The following NONO variants were observed in gnomAD, a reference collection of about 807,000 sequenced individuals.
NONO encodes the protein non-POU domain-containing octamer-binding protein.
In NONO, 6 loss-of-function variants were observed where a neutral mutation model predicts 40.2. The ratio of observed to expected loss-of-function variants is 0.15; its 90% CI spans 0.08 to 0.29. The LOEUF (loss-of-function observed/expected upper bound fraction) is 0.29. NONO is among the 10% of genes least tolerant of loss of function. The pLI, the probability that NONO is intolerant of heterozygous loss-of-function variation, is 1.00. For missense variants in NONO, 133 were observed against 397.8 expected, an observed-to-expected ratio of 0.33 and a Z score of 5.66; for synonymous variants, 89 against 123.3, an observed-to-expected ratio of 0.72 and a Z score of 1.85.
At chrX:71,296,145 C>CTTT (rs757644657) in intron 5 of NONO, among the ~76,000 whole-genome samples, 1 of 93,956 alleles carries the variant, frequency 1.1e-5, no homozygotes, top group East Asian at 3.2e-4. Context: ...TTTTTCTTTT[C>CTTT]TTTTTTTTTT....
rs1481121749 is a variant in NONO, at chrX:71,298,717, C to T, written c.1182C>T (p.Gly394=). The change falls in exon 11 of 12, where the codon GGC becomes GGT. Residue 394 remains glycine (G), a synonymous_variant. Transcript: ENST00000276079. ...MGQMAMGGAM[G]INNRGAMPPA... is the part of the protein sequence containing the mutation. The stretch of plus-strand genomic sequence containing the variant: ...ACTACTCTGCCTTAGGTGCTATGGG[C>T]ATAAACAACAGAGGTGCCATGCCCC... The T allele has an allele frequency of 4.1e-6, 5 of 1,207,244 alleles. No homozygotes were observed. In the Admixed American group the frequency reaches 1.1e-4, roughly 26 times the overall value.
chrX:71,294,180 G>T (rs371337585), intron 4 of NONO, 47 bp from the exon 5 acceptor site: 43 of 1,151,010 alleles, frequency 3.7e-5, no homozygotes, highest in Non-Finnish European at 5.0e-5. Context: ...GGCTGCTAAG[G>T]TGTTCTTTGT....
At chrX:71,290,155 T>G (rs905138259) in intron 2 of NONO, among the ~76,000 whole-genome samples, 4 of 110,396 alleles carry the variant, frequency 3.6e-5, no homozygotes, top group African/African-American at 1.3e-4. Context: ...CAAGTGATCC[T>G]CCCACCTCAG....
At chrX:71,291,012 G>A (rs1602386031) in intron 3 of NONO, among the ~76,000 whole-genome samples, 1 of 112,709 alleles carries the variant, frequency 8.9e-6, no homozygotes, top group South Asian at 3.6e-4. Context: ...GCTCTGCTGT[G>A]TTGACACATT....
intron 3 of NONO, 147 bp downstream of exon 3, chrX:71,290,938 A>G (rs1251272052): frequency 1.5e-6 from 1 of 670,658 alleles, no homozygotes; most frequent in East Asian, 3.8e-5. Flanking sequence ...AATACTTACG[A>G]TGGAAAAGGC....
intron 2 of NONO, among the ~76,000 whole-genome samples, chrX:71,287,885 T>TTA (rs2031229124): frequency 1.0e-5 from 1 of 96,836 alleles, no homozygotes; most frequent in African/African-American, 3.9e-5. Context: ...TTTTTTTTTT[T>TTA]AAATAAAGAC....
chrX:71,296,354 C>T (rs904502048), intron 5 of NONO, among the ~76,000 whole-genome samples: 3 of 110,739 alleles, frequency 2.7e-5, no homozygotes, highest in African/African-American at 9.8e-5. Flanking sequence ...CCTCATGATT[C>T]ACCCGCCTCG....
In NONO at chrX:71,300,825, T is replaced by C. The variant is rs775901784; in HGVS notation, c.*749T>C. 2 of 164,656 alleles carry C rather than the reference T, an allele frequency of 1.2e-5. No individual in the cohort carries two copies. Among genetic ancestry groups the C allele is most frequent in the South Asian group, 6.5e-4 (2 of 3,077 alleles). The allele number at this position is 164,656 out of a possible 1,213,427, so 13.6% of individuals were successfully genotyped here. On this transcript the variant is annotated 3_prime_UTR_variant, in exon 12 of 12. Coordinates refer to ENST00000276079, the MANE Select transcript of NONO (RefSeq NM_007363.5). ...CCTTCATGTCCTAAAGAAGACATTT[T>C]CTCTTAGAGATTTTCATTTTAGTGT...
At chrX:71,290,842 T>C (rs1161471685) in intron 3 of NONO, 51 bp downstream of exon 3, 1 of 1,081,323 alleles carries the variant, frequency 9.2e-7, no homozygotes, top group Admixed American at 4.0e-5. Context: ...CTGGGAATGG[T>C]TTCTTGGTTT....
At chrX:71,298,605 T>C (rs749123459) in intron 10 of NONO, 97 bp downstream of exon 10, 6 of 1,045,606 alleles carry the variant, frequency 5.7e-6, no homozygotes, top group Non-Finnish European at 8.0e-6. Context: ...GGGTGACATA[T>C]ATGTCTTACT....
At position 71,300,542 on chromosome X, in the gene NONO, C is replaced by G; in HGVS notation, c.*466C>G. The G allele has an allele frequency of 2.6e-5, 5 of 194,027 alleles. No homozygotes were observed. Among genetic ancestry groups the G allele is most frequent in the East Asian group, 1.7e-4 (2 of 12,002 alleles). 16.0% of individuals were successfully genotyped at this position (194,027 alleles called of 1,213,427 possible). A position where few individuals can be genotyped will look rare whatever the true frequency, so the allele number is the denominator to read the frequency against. Reference sequence around the variant, plus strand: ...AGCTTGTCCAGGTTGATCTTGAACTCCTGACCTCGTGATCTACCCACCTCG... The same window carrying G: ...AGCTTGTCCAGGTTGATCTTGAACTGCTGACCTCGTGATCTACCCACCTCG... On this transcript the variant is annotated 3_prime_UTR_variant, in exon 12 of 12. Coordinates refer to ENST00000276079, the MANE Select transcript of NONO (RefSeq NM_007363.5).
chrX:71,292,728 C>G (rs1032895625), intron 4 of NONO: 3 of 112,244 alleles, frequency 2.7e-5, no homozygotes, highest in Middle Eastern at 8.4e-3. Context: ...TGTCCTCAGC[C>G]TCCTGAGTAG....
At chrX:71,295,206 G>A (rs1347537007) in intron 5 of NONO, among the ~76,000 whole-genome samples, 8 of 83,350 alleles carry the variant, frequency 9.6e-5, no homozygotes, top group East Asian at 3.9e-4. Flanking sequence ...TGGCGATAGA[G>A]CAAGACTCTG....
At chrX:71,289,460 T>C (rs1038366535) in intron 2 of NONO, among the ~76,000 whole-genome samples, 1 of 109,523 alleles carries the variant, frequency 9.1e-6, no homozygotes, top group African/African-American at 3.3e-5. Flanking sequence ...CCCGGCTAAT[T>C]TTTTGTATTT....
rs1452435656 is a variant in NONO, at chrX:71,294,370, G to A, written c.492G>A (p.Leu164=). The A allele has an allele frequency of 9.1e-6, 11 of 1,210,353 alleles. No individual in the cohort carries two copies. Among genetic ancestry groups the A allele is most frequent in the Non-Finnish European group, 1.2e-5 (11 of 895,390 alleles). The part of the protein sequence containing the change: ...NLPQYVSNEL[L]EEAFSVFGQV... ...CTCAGTATGTGTCCAACGAACTGCTGGAAGAAGCCTTTTCTGTGTTTGGCC... is the reference window on the plus strand; with the variant it reads ...CTCAGTATGTGTCCAACGAACTGCTAGAAGAAGCCTTTTCTGTGTTTGGCC... The change falls in exon 5 of 12, where the codon CTG becomes CTA. Residue 164 remains leucine, a synonymous_variant. Coordinates refer to ENST00000276079, the MANE Select transcript of NONO (RefSeq NM_007363.5).
intron 5 of NONO, among the ~76,000 whole-genome samples, chrX:71,294,864 A>G (rs968811386): frequency 1.8e-5 from 2 of 110,772 alleles, no homozygotes; most frequent in African/African-American, 6.6e-5. Flanking sequence ...GGTTGCAGCG[A>G]GCTGAGATCA....
chrX:71,300,877 C>T lies in NONO; in HGVS notation c.*801C>T, dbSNP rs952587206. 1.4e-4 allele frequency: 23 copies of T among 160,631 alleles called. No homozygotes were observed. Among genetic ancestry groups the T allele is most frequent in the Non-Finnish European group, 3.6e-5 (3 of 82,969 alleles). 13.2% of individuals were successfully genotyped at this position (160,631 alleles called of 1,213,427 possible). A position where few individuals can be genotyped will look rare whatever the true frequency, so the allele number is the denominator to read the frequency against. On this transcript the variant is annotated 3_prime_UTR_variant, in exon 12 of 12. Coordinates refer to ENST00000276079, the MANE Select transcript of NONO (RefSeq NM_007363.5). ...TCTTTAAAAAAAAATCTTGTGTTAACTTGCCTCCATCTTTTTCTTGGGTGA... is the reference window on the plus strand; with the variant it reads ...TCTTTAAAAAAAAATCTTGTGTTAATTTGCCTCCATCTTTTTCTTGGGTGA...
intron 2 of NONO, chrX:71,284,990 A>G (rs1295191393): frequency 8.9e-6 from 1 of 112,610 alleles, no homozygotes; most frequent in Non-Finnish European, 1.9e-5. Context: ...TCAGAGGCCC[A>G]GTATTTAGGC....
intron 2 of NONO, among the ~76,000 whole-genome samples, chrX:71,288,857 C>T (rs923645392): frequency 1.1e-4 from 12 of 112,210 alleles, no homozygotes; most frequent in African/African-American, 3.9e-4. Flanking sequence ...CCCTTTAGAA[C>T]AGCTGAAGAA....
Sources: gnomAD v4.1 joint callset for allele counts (sites outside exome capture counted in the v4.1 genomes callset) on GRCh38, gnomAD v4.1.1 for gene constraint, MANE v1.5 for transcripts, NCBI Gene and HGNC (gene_info 2026-07-23, HGNC 2026-07-21) for gene names.